Variants in GARIN1A observed in about 807,000 individuals in gnomAD.
The protein encoded by GARIN1A is Golgi-associated RAB2 interactor protein 1A.
chr7:128,687,877 A>C, the GARIN1A span: 5 of 152,032 alleles, frequency 3.3e-5, no homozygotes, highest in Admixed American at 6.6e-5. Flanking sequence ...GGTTCATTGA[A>C]TCTCTGTCTA....
At chr7:128,680,103 G>A in the GARIN1A span, 25 of 1,578,300 alleles carry the variant, frequency 1.6e-5, no homozygotes, top group African/African-American at 5.4e-5. Context: ...GCAGACCAGT[G>A]GCAGTTTCTC....
chr7:128,673,474 C>T, the GARIN1A span, among the ~76,000 whole-genome samples: 1 of 152,092 alleles, frequency 6.6e-6, no homozygotes, highest in African/African-American at 2.4e-5. Context: ...GGAAGAGCAG[C>T]GGGGAGGATA....
the GARIN1A span, among the ~76,000 whole-genome samples, chr7:128,699,251 A>G: frequency 8.8e-6 from 1 of 113,870 alleles, no homozygotes; most frequent in Non-Finnish European, 1.8e-5. Flanking sequence ...CTGTCTGTCC[A>G]TACCTGCTGC....
At chr7:128,674,460 G>T in the GARIN1A span, among the ~76,000 whole-genome samples, 7 of 151,938 alleles carry the variant, frequency 4.6e-5, no homozygotes, top group Admixed American at 3.3e-4. Context: ...CCACATATTA[G>T]TTATAGTTAT....
At chr7:128,705,160 T>C in the GARIN1A span, among the ~76,000 whole-genome samples, 14 of 152,222 alleles carry the variant, frequency 9.2e-5, no homozygotes, top group Non-Finnish European at 2.1e-4. Context: ...ATCTGGGTCA[T>C]TTCCAGTTTG....
the GARIN1A span, among the ~76,000 whole-genome samples, chr7:128,702,612 G>A: frequency 5.3e-5 from 8 of 151,934 alleles, no homozygotes; most frequent in African/African-American, 1.7e-4. Flanking sequence ...CCCCCCAAAA[G>A]GCAGAATAAA....
chr7:128,680,483 A>G, the GARIN1A span, among the ~76,000 whole-genome samples: 1 of 152,126 alleles, frequency 6.6e-6, no homozygotes, highest in Non-Finnish European at 1.5e-5. Context: ...CCAAGCTCAC[A>G]AGGATCCCTG....
chr7:128,677,517 A>AAAAAAG, the GARIN1A span: 33 of 1,466,572 alleles, frequency 2.3e-5, no homozygotes, highest in African/African-American at 2.9e-5. Flanking sequence ...AAAAAAAAAA[A>AAAAAAG]AAAGAAACCA....
the GARIN1A span, among the ~76,000 whole-genome samples, chr7:128,678,653 A>G: frequency 7.3e-4 from 111 of 152,132 alleles, 1 homozygote; most frequent in Non-Finnish European, 1.4e-3. Flanking sequence ...AAAATACAAA[A>G]ATTAGCCAGG....
the GARIN1A span, among the ~76,000 whole-genome samples, chr7:128,695,697 T>C: frequency 1.3e-5 from 2 of 152,038 alleles, no homozygotes; most frequent in Non-Finnish European, 2.9e-5. The surrounding 1 kb of genome is among the most constrained non-coding windows in gnomAD (Gnocchi z 4.5). Flanking sequence ...TGGGCCACCA[T>C]GCCTGGCTAA....
the GARIN1A span, chr7:128,697,882 A>G: frequency 2.0e-5 from 3 of 152,178 alleles, no homozygotes; most frequent in South Asian, 2.1e-4. Flanking sequence ...CCATTTGCCA[A>G]TCTGTAGTGG....
At chr7:128,690,824 G>A in the GARIN1A span, 3 of 152,130 alleles carry the variant, frequency 2.0e-5, no homozygotes, top group African/African-American at 7.2e-5. Flanking sequence ...AGAGAGTCCA[G>A]AATGACAGGA....
the GARIN1A span, chr7:128,686,315 C>T: frequency 2.0e-5 from 3 of 152,152 alleles, no homozygotes; most frequent in Non-Finnish European, 4.4e-5. Context: ...ATCTTCTAAG[C>T]ACTATGCTGA....
the GARIN1A span, among the ~76,000 whole-genome samples, chr7:128,707,089 GTA>G: frequency 6.6e-6 from 1 of 151,908 alleles, no homozygotes; most frequent in African/African-American, 2.4e-5. Context: ...TATATTTAAT[GTA>G]TACAACTTGA....
the GARIN1A span, among the ~76,000 whole-genome samples, chr7:128,688,781 TCC>T: frequency 9.7e-5 from 1 of 10,274 alleles, no homozygotes. Flanking sequence ...CCCCTCCCCC[TCC>T]CCCTCCCCCC....
the GARIN1A span, among the ~76,000 whole-genome samples, chr7:128,676,737 TAAG>T: frequency 6.6e-6 from 1 of 151,742 alleles, no homozygotes; most frequent in East Asian, 1.9e-4. Context: ...TTCGACACAG[TAAG>T]TCAGGATATA....
chr7:128,676,306 G>A, the GARIN1A span, among the ~76,000 whole-genome samples: 6 of 151,972 alleles, frequency 3.9e-5, no homozygotes, highest in African/African-American at 1.4e-4. Flanking sequence ...CACCGCGCCT[G>A]ACCTTATTTA....
chr7:128,677,427 A>T, the GARIN1A span: 1 of 951,416 alleles, frequency 1.1e-6, no homozygotes, highest in African/African-American at 1.7e-5. Context: ...GAATGGCGTG[A>T]ACCCCGGGGG....
At chr7:128,679,707 CT>C in the GARIN1A span, among the ~76,000 whole-genome samples, 1 of 152,118 alleles carries the variant, frequency 6.6e-6, no homozygotes, top group Admixed American at 6.6e-5. Context: ...TGCTTTCCTC[CT>C]CTCACTTAAG....
Sources: allele counts gnomAD v4.1 joint callset (sites outside exome capture counted in the v4.1 genomes callset), GRCh38; gene constraint gnomAD v4.1.1; non-coding constraint Gnocchi (gnomAD v3.1); transcripts MANE v1.5; gene names NCBI Gene and HGNC (gene_info 2026-07-23, HGNC 2026-07-21).